The following ORC4 variants were observed in gnomAD, a reference collection of about 807,000 sequenced individuals.
ORC4 encodes origin recognition complex subunit 4, also known as origin recognition complex, subunit 4 homolog.
In ORC4, 55 loss-of-function variants were observed where a neutral mutation model predicts 63.9. The observed-to-expected ratio is 0.86, with a 90% CI of 0.69 to 1.08. ORC4 has a LOEUF of 1.08. Among genes scored for constraint, ORC4 ranks in the 50% least tolerant of loss-of-function variants. The pLI, the probability that ORC4 is intolerant of heterozygous loss-of-function variation, is 0.00. For missense variants in ORC4, 511 were observed against 504.4 expected (o/e 1.01, Z -0.13); for synonymous variants, 150 against 168.5 (o/e 0.89, Z 0.85).
At chr2:148,009,028 G>A (rs886829461) in intron 1 of ORC4, among the ~76,000 whole-genome samples, 3 of 152,082 alleles carry the variant, frequency 2.0e-5, no homozygotes, top group Non-Finnish European at 4.4e-5. Flanking sequence ...GAGTAGAAGT[G>A]TACAGGTTTT....
In ORC4 at chr2:147,999,953, T is replaced by C. The variant is rs562258579; in HGVS notation, c.-18+20680A>G. Reference sequence around the variant, plus strand: ...AAAAAGAAAACATAACAGGATATAATAAGAAAATTATACAGAGATCAAAAA... The same window carrying C: ...AAAAAGAAAACATAACAGGATATAACAAGAAAATTATACAGAGATCAAAAA... On this transcript the variant is annotated intron_variant, in intron 1 of 13. Coordinates refer to ENST00000392857, the MANE Select transcript of ORC4 (RefSeq NM_181741.4). Among the ~76,000 whole-genome samples the C allele has an allele frequency of 1.1e-4, 16 of 148,926 alleles. No homozygotes were observed. In the South Asian group the frequency reaches 3.0e-3, roughly 27 times the overall value.
chr2:147,959,489 G>T (rs754770741), intron 4 of ORC4, among the ~76,000 whole-genome samples: 40 of 151,850 alleles, frequency 2.6e-4, no homozygotes, highest in Non-Finnish European at 5.2e-4. Flanking sequence ...ACTGGGAAAA[G>T]CAGTTGTATA....
intron 1 of ORC4, among the ~76,000 whole-genome samples, chr2:147,986,207 T>TA (rs1691194024): frequency 6.6e-6 from 1 of 152,084 alleles, no homozygotes; most frequent in South Asian, 2.1e-4. Flanking sequence ...GATAAAATGG[T>TA]AAAAAATGGA....
chr2:147,947,905 A>G, intron 9 of ORC4, 146 bp downstream of exon 9: 3 of 635,582 alleles, frequency 4.7e-6, no homozygotes, highest in Non-Finnish European at 8.2e-6. Flanking sequence ...GAAAATTTTT[A>G]AAAAGTATAT....
chr2:147,973,781 T>C (rs1481294002), intron 2 of ORC4, among the ~76,000 whole-genome samples: 3 of 152,194 alleles, frequency 2.0e-5, no homozygotes, highest in Non-Finnish European at 2.9e-5. Context: ...TCACTGACTT[T>C]AGCTATATTA....
At chr2:147,941,819 A>T (rs1324742164) in intron 10 of ORC4, among the ~76,000 whole-genome samples, 2 of 151,958 alleles carry the variant, frequency 1.3e-5, no homozygotes, top group Non-Finnish European at 2.9e-5. Flanking sequence ...CCTCCTCTAA[A>T]AATTACTAGT....
chr2:147,946,809 C>T (rs1393730399), intron 9 of ORC4, among the ~76,000 whole-genome samples: 1 of 151,794 alleles, frequency 6.6e-6, no homozygotes, highest in Non-Finnish European at 1.5e-5. Context: ...GTAAAAACAA[C>T]ATATTTAGCA....
At chr2:147,943,162 G>A (rs1221910640) in intron 10 of ORC4, among the ~76,000 whole-genome samples, 1 of 152,016 alleles carries the variant, frequency 6.6e-6, no homozygotes, top group Non-Finnish European at 1.5e-5. Context: ...TGGAACACTC[G>A]ATGTAGTGTT....
At chr2:147,969,827 A>G (rs758917441) in intron 4 of ORC4, among the ~76,000 whole-genome samples, 2 of 152,062 alleles carry the variant, frequency 1.3e-5, no homozygotes, top group Non-Finnish European at 2.9e-5. Context: ...AGTGAATTTT[A>G]TGATTAACTG....
intron 4 of ORC4, among the ~76,000 whole-genome samples, chr2:147,962,809 C>T (rs974563004): frequency 2.0e-5 from 3 of 152,056 alleles, no homozygotes; most frequent in Non-Finnish European, 4.4e-5. Flanking sequence ...CCCTCCCTCC[C>T]GCAGACATAC....
intron 1 of ORC4, among the ~76,000 whole-genome samples, chr2:147,999,438 A>G (rs1478496525): frequency 6.6e-6 from 1 of 152,202 alleles, no homozygotes; most frequent in Non-Finnish European, 1.5e-5. Context: ...TTCTCAGGAT[A>G]ACATTTTAAA....
At chr2:147,975,506 GAAAA>G (rs36022428) in intron 2 of ORC4, among the ~76,000 whole-genome samples, 9 of 143,758 alleles carry the variant, frequency 6.3e-5, no homozygotes, top group African/African-American at 1.5e-4. Flanking sequence ...CAAGAAAAGG[GAAAA>G]AAAAAAAAAG....
At position 147,970,006 on chromosome 2, in the gene ORC4, T is replaced by C. The variant is rs991543278; in HGVS notation, c.225+2733A>G. Among the ~76,000 whole-genome samples the C allele has an allele frequency of 3.3e-5, 5 of 152,080 alleles. No individual in the cohort carries two copies. The South Asian group carries it at 8.3e-4, about 25-fold the overall frequency. ...AACTAATGGAATTGAGAAGCAATTA[T>C]AGCAAGGTTGCAGAATACAAGCAAA... On this transcript the variant is annotated intron_variant, in intron 4 of 13. Transcript: ENST00000392857.
At position 147,980,901 on chromosome 2, in the gene ORC4, C is replaced by CA. The variant is rs1673002847; in HGVS notation, c.-17-4927dup. ...TACAAAGGAAATGAAATCAATATGT[C>CA]AAAGATATATCCTCACTCCCATATA... is the stretch of plus-strand genomic sequence containing the variant. On this transcript the variant is annotated intron_variant, in intron 1 of 13. Coordinates refer to ENST00000392857, the MANE Select transcript of ORC4 (RefSeq NM_181741.4). Among the ~76,000 whole-genome samples the CA allele has an allele frequency of 4.6e-5, 7 of 152,220 alleles. No homozygotes were observed. The South Asian group carries it at 1.2e-3, about 27-fold the overall frequency.
rs116687265 is a variant in ORC4, at chr2:148,018,619, G to A, written c.-18+2014C>T. On this transcript the variant is annotated intron_variant, in intron 1 of 13. Transcript: ENST00000392857. ...TTACTACAATCCAATATAAGAACTA[G>A]AGCTAAATGTACTAATAGAGTTATA... 7.5e-3 allele frequency among the ~76,000 whole-genome samples: 1,148 copies of A among 152,114 alleles called. 9 individuals are homozygous for A. Among genetic ancestry groups the A allele is most frequent in the African/African-American group, 0.026 (1,068 of 41,500 alleles).
chr2:147,986,537 C>A (rs570179414), intron 1 of ORC4, among the ~76,000 whole-genome samples: 1 of 152,174 alleles, frequency 6.6e-6, no homozygotes, highest in Admixed American at 6.5e-5. Context: ...GAAAAAAATG[C>A]TAAAATATGG....
In ORC4 at chr2:147,933,180, A is replaced by G. The variant is rs1245791474; in HGVS notation, c.*2330T>C. The stretch of plus-strand genomic sequence containing the variant: ...AGGAGTTCATGCATTTTTTGGTTCT[A>G]TTTTTCCTCCTCTAGTAAATGAAGA... On this transcript the variant is annotated 3_prime_UTR_variant, in exon 14 of 14. Transcript: ENST00000392857. 1 of 151,990 alleles carries G rather than the reference A, an allele frequency of 6.6e-6. No individual in the cohort carries two copies. The highest frequency in any genetic ancestry group is 1.5e-5 in the Non-Finnish European group (1 of 67,964). The allele number at this position is 151,990 out of a possible 1,614,324, so 9.4% of individuals were successfully genotyped here.
chr2:147,959,307 G>A (rs1689444359), intron 4 of ORC4, among the ~76,000 whole-genome samples: 1 of 151,854 alleles, frequency 6.6e-6, no homozygotes, highest in Admixed American at 6.6e-5. Context: ...AAATAACATT[G>A]TATTGCTCTT....
rs752155802 is a variant in ORC4, at chr2:147,939,248, T to C, written c.850A>G (p.Met284Val). Residue 284 changes from methionine (M) to valine (V), a missense_variant and splice_region_variant, in exon 11 of 14, where the codon ATG becomes GTG. Coordinates refer to ENST00000392857, the MANE Select transcript of ORC4 (RefSeq NM_181741.4). ...GCTGTTACTCGATTTAAAGCAAGCA[T>C]CTAGGGAAAGACAGATCAGAAAAAC... ...KNLRSLHMLLMLALNRVTASH... is the reference protein window; with the variant it reads ...KNLRSLHMLLVLALNRVTASH... The C allele has an allele frequency of 6.3e-7, 1 of 1,597,688 alleles. No homozygotes were observed. The highest frequency in any genetic ancestry group is 8.6e-7 in the Non-Finnish European group (1 of 1,165,304).
Sources: allele counts gnomAD v4.1 joint callset (sites outside exome capture counted in the v4.1 genomes callset), GRCh38; gene constraint gnomAD v4.1.1; transcripts MANE v1.5; gene names NCBI Gene and HGNC (gene_info 2026-07-23, HGNC 2026-07-21).